Variants in ANK2 observed in about 807,000 individuals in gnomAD.
ANK2 encodes the protein ankyrin 2.
In ANK2, 83 loss-of-function variants were observed where a neutral mutation model predicts 360.5. That is an observed-to-expected ratio of 0.23 (90% CI 0.19 to 0.28). ANK2 has a LOEUF of 0.28. Among genes scored for constraint, ANK2 ranks in the 10% least tolerant of loss-of-function variants. ANK2 has a pLI of 1.00. For missense variants in ANK2, 4,201 were observed against 4,795.7 expected (o/e 0.88, Z 3.66); for synonymous variants, 1,740 against 1,759.5 (o/e 0.99, Z 0.28).
intron 2 of ANK2, among the ~76,000 whole-genome samples, chr4:113,028,807 G>T (rs866659164): frequency 1.4e-4 from 21 of 152,246 alleles, no homozygotes; most frequent in Middle Eastern, 3.4e-3. Context: ...TTTCCACAAT[G>T]AGGAAAAATG....
At chr4:113,243,244 T>A (rs1455088741) in intron 9 of ANK2, among the ~76,000 whole-genome samples, 1 of 152,220 alleles carries the variant, frequency 6.6e-6, no homozygotes, top group Non-Finnish European at 1.5e-5. Flanking sequence ...CTATGAAAGA[T>A]GATAAATAGA....
At chr4:112,766,022 A>C in the ANK2 span, among the ~76,000 whole-genome samples, 2 of 152,146 alleles carry the variant, frequency 1.3e-5, no homozygotes, top group Non-Finnish European at 2.9e-5. Flanking sequence ...ATACACCAGC[A>C]CGTAGTAGAT....
intron 1 of ANK2, among the ~76,000 whole-genome samples, chr4:112,885,140 T>G (rs750072451): frequency 1.7e-4 from 26 of 152,196 alleles, no homozygotes; most frequent in Non-Finnish European, 8.8e-5. Flanking sequence ...TTTCTCTGTC[T>G]TCACTTAATC....
intron 23 of ANK2, among the ~76,000 whole-genome samples, chr4:113,307,941 A>G (rs1348178853): frequency 2.0e-5 from 3 of 152,244 alleles, no homozygotes; most frequent in South Asian, 2.1e-4. Flanking sequence ...CCTGGGAATC[A>G]TCATTCTATT....
chr4:113,038,033 G>T (rs1281663261), intron 2 of ANK2, among the ~76,000 whole-genome samples: 1 of 151,942 alleles, frequency 6.6e-6, no homozygotes, highest in East Asian at 1.9e-4. Flanking sequence ...TTAGACATTA[G>T]TTCAAATTAG....
In ANK2 at chr4:113,357,571, G is replaced by T; in HGVS notation, c.8953G>T (p.Glu2985Ter). 6.2e-7 allele frequency: 1 copy of T among 1,614,100 alleles called. No homozygotes were observed. Among genetic ancestry groups the T allele is most frequent in the Non-Finnish European group, 8.5e-7 (1 of 1,179,970 alleles). ...SSSSGTVLSK[E>*]SNFEGQDIKM... is the part of the protein sequence containing the mutation. ...CTCTAGTGGAACTGTTTTAAGCAAA[G>T]AATCTAATTTTGAGGGCCAGGACAT... The change falls in exon 38 of 46, where the codon GAA becomes TAA. Residue 2985 changes from glutamate (E) to a stop codon, truncating the protein, a stop_gained. Coordinates refer to ENST00000357077, the MANE Select transcript of ANK2 (RefSeq NM_001148.6). LOFTEE classifies it high-confidence loss of function.
chr4:112,744,209 G>C, the ANK2 span, among the ~76,000 whole-genome samples: 1 of 152,092 alleles, frequency 6.6e-6, no homozygotes, highest in Non-Finnish European at 1.5e-5. Context: ...TTTTGTTTCT[G>C]ATTGAACATC....
intron 1 of ANK2, among the ~76,000 whole-genome samples, chr4:112,867,113 G>T (rs1203283019): frequency 6.6e-6 from 1 of 150,504 alleles, no homozygotes; most frequent in Non-Finnish European, 1.5e-5. Flanking sequence ...CTTTTTTTTT[G>T]AGGTCTTACA....
At chr4:112,748,328 G>T in the ANK2 span, among the ~76,000 whole-genome samples, 3,049 of 152,132 alleles carry the variant, frequency 0.02, 109 homozygotes, top group African/African-American at 0.07. Context: ...TCAAATTCAG[G>T]GTCCTCAAGC....
At chr4:112,908,311 G>C (rs2121928) in intron 2 of ANK2, among the ~76,000 whole-genome samples, 80,952 of 152,038 alleles carry the variant, frequency 0.53, 25,146 homozygotes, top group African/African-American at 0.84. Flanking sequence ...GAGGCTCATA[G>C]AGGTTAAGTA....
chr4:113,183,929 A>G lies in ANK2; in HGVS notation c.186+9412A>G, dbSNP rs558173646. ...AGGCTGATGACATCAGGAGGTTTAA[A>G]AAGAGGAGGAAGAAAAATAGTTTAA... On this transcript the variant is annotated intron_variant, in intron 2 of 45. Transcript: ENST00000357077. Among the ~76,000 whole-genome samples, 8 of 151,402 alleles carry G rather than the reference A, an allele frequency of 5.3e-5. No homozygotes were observed. The East Asian group carries it at 1.6e-3, about 30-fold the overall frequency.
intron 1 of ANK2, among the ~76,000 whole-genome samples, chr4:113,080,901 A>T (rs977545932): frequency 4.6e-5 from 7 of 152,180 alleles, no homozygotes; most frequent in African/African-American, 1.2e-4. Context: ...GGGCATAGGA[A>T]AGAGACACAG....
chr4:112,705,652 C>T, the ANK2 span, among the ~76,000 whole-genome samples: 2 of 152,340 alleles, frequency 1.3e-5, no homozygotes, highest in East Asian at 3.9e-4. Context: ...CGCGGAGGAG[C>T]CTCCTTCTCC....
intron 23 of ANK2, among the ~76,000 whole-genome samples, chr4:113,308,384 A>G (rs1210747564): frequency 6.6e-6 from 1 of 152,200 alleles, no homozygotes; most frequent in Non-Finnish European, 1.5e-5. Flanking sequence ...TAGGTGGAGA[A>G]GTCCAGAAGG....
At chr4:113,083,035 A>G (rs367767479) in intron 1 of ANK2, among the ~76,000 whole-genome samples, 4 of 152,166 alleles carry the variant, frequency 2.6e-5, no homozygotes, top group African/African-American at 7.2e-5. Flanking sequence ...AGGACTGTAC[A>G]TGTCTGTATA....
intron 1 of ANK2, among the ~76,000 whole-genome samples, chr4:112,898,892 T>C (rs148008045): frequency 8.7e-4 from 133 of 152,258 alleles, no homozygotes; most frequent in Middle Eastern, 3.4e-3. Context: ...GTCAGCTCCA[T>C]GAAGAAATTG....
rs538958982 is a variant in ANK2, at chr4:113,323,513, T to G, written c.2900+4893T>G. ...ACTCAGACTTTGTTAAACGCCCTCA[T>G]AAGCCAATGTTGACCAAGGTTAAAA... On this transcript the variant is annotated intron_variant, in intron 26 of 45. Transcript: ENST00000357077. Among the ~76,000 whole-genome samples the G allele has an allele frequency of 1.0e-3, 159 of 152,294 alleles. 1 individual carries two copies. The highest frequency in any genetic ancestry group is 4.4e-4 in the Non-Finnish European group (30 of 68,020).
the ANK2 span, among the ~76,000 whole-genome samples, chr4:112,772,882 G>A: frequency 6.6e-6 from 1 of 152,154 alleles, no homozygotes; most frequent in African/African-American, 2.4e-5. Flanking sequence ...GGAGGTGACG[G>A]TACTGGGGAG....
chr4:112,858,510 G>A (rs2067009401), intron 1 of ANK2, among the ~76,000 whole-genome samples: 1 of 152,162 alleles, frequency 6.6e-6, no homozygotes. Flanking sequence ...GGTTTCCAAA[G>A]TTGTGTCTAA....
Sources: gnomAD v4.1 joint callset for allele counts (sites outside exome capture counted in the v4.1 genomes callset) on GRCh38, gnomAD v4.1.1 for gene constraint, MANE v1.5 for transcripts, NCBI Gene and HGNC (gene_info 2026-07-23, HGNC 2026-07-21) for gene names.